The following FBXO11 variants were observed in gnomAD, a reference collection of about 807,000 sequenced individuals.
FBXO11 encodes the protein F-box protein 11, also known as F-box only protein 11.
In FBXO11, 13 loss-of-function variants were observed where a neutral mutation model predicts 117.0. The ratio of observed to expected loss-of-function variants is 0.11; its 90% confidence interval spans 0.07 to 0.18. FBXO11 has a LOEUF of 0.18. FBXO11 is among the 10% of genes least tolerant of loss of function. The pLI is 1.00. For missense variants in FBXO11, 767 were observed against 1,164.4 expected (o/e 0.66, Z 4.97); for synonymous variants, 490 against 380.5 (o/e 1.29, Z -3.35).
rs112758707 is a variant in FBXO11, at chr2:47,904,581, A to AACACAC, written c.232+902_232+907dup. On this transcript the variant is annotated intron_variant, in intron 1 of 22. Transcript: ENST00000403359. ...CAACACACACACGCGCGCGCGCGCA[A>AACACAC]ACACACACACACACACACACACACA... Among the ~76,000 whole-genome samples, 279 of 147,686 alleles carry AACACAC rather than the reference A, an allele frequency of 1.9e-3. 2 individuals are homozygous for AACACAC. Among genetic ancestry groups the AACACAC allele is most frequent in the Middle Eastern group, 0.014 (4 of 286 alleles).
chr2:47,825,959 G>C (rs535237185), intron 11 of FBXO11, among the ~76,000 whole-genome samples: 1 of 152,190 alleles, frequency 6.6e-6, no homozygotes, highest in African/African-American at 2.4e-5. Context: ...AAAAAAAATT[G>C]ATATACACTG....
At chr2:47,825,718 G>C (rs1244862886) in intron 11 of FBXO11, among the ~76,000 whole-genome samples, 1 of 151,774 alleles carries the variant, frequency 6.6e-6, no homozygotes, top group Non-Finnish European at 1.5e-5. Flanking sequence ...CTGAGACCAC[G>C]GGTGCATGGC....
chr2:47,818,900 G>T, intron 15 of FBXO11, 36 bp from the exon 16 acceptor site: 2 of 1,578,158 alleles, frequency 1.3e-6, no homozygotes, highest in Non-Finnish European at 1.7e-6. Flanking sequence ...CTTTTTCAAG[G>T]GACAAGTATT....
At chr2:47,818,663 A>C in intron 16 of FBXO11, 116 bp downstream of exon 16, 1 of 678,574 alleles carries the variant, frequency 1.5e-6, no homozygotes, top group Non-Finnish European at 2.5e-6. Flanking sequence ...AAGAATGTGA[A>C]TATATATACA....
chr2:47,837,551 T>C (rs1672678520), intron 4 of FBXO11, among the ~76,000 whole-genome samples: 2 of 152,096 alleles, frequency 1.3e-5, no homozygotes, highest in African/African-American at 4.8e-5. Context: ...AACATATATA[T>C]ATATGGTGCA....
chr2:47,807,179 A>AAATT lies in FBXO11; in HGVS notation c.*935_*938dup, dbSNP rs1380345132. The AAATT allele has an allele frequency of 3.6e-6, 1 of 277,472 alleles. No individual in the cohort carries two copies. The highest frequency in any genetic ancestry group is 2.2e-5 in the African/African-American group (1 of 45,964). 17.2% of individuals were successfully genotyped at this position (277,472 alleles called of 1,614,324 possible). On this transcript the variant is annotated 3_prime_UTR_variant, in exon 23 of 23. Transcript: ENST00000403359. ...TATACTTGTCTCAGCTTAATGCAGG[A>AAATT]AATTGGTTTAATTTCCAGCAGTTTT...
intron 11 of FBXO11, among the ~76,000 whole-genome samples, chr2:47,827,375 C>G (rs188001861): frequency 6.7e-6 from 1 of 148,960 alleles, no homozygotes; most frequent in East Asian, 2.1e-4. Flanking sequence ...GGCGCACTTT[C>G]GGCTCACTGC....
At position 47,813,774 on chromosome 2, in the gene FBXO11, T is replaced by G. The variant is rs1430804081; in HGVS notation, c.2083+17A>C. 2 of 1,521,290 alleles carry G rather than the reference T, an allele frequency of 1.3e-6. No individual in the cohort carries two copies. The highest frequency in any genetic ancestry group is 1.8e-6 in the Non-Finnish European group (2 of 1,097,348). The allele number at this position is 1,521,290 out of a possible 1,614,324, so 94.2% of individuals were successfully genotyped here. A position where few individuals can be genotyped will look rare whatever the true frequency, so the allele number is the denominator to read the frequency against. On this transcript the variant is annotated intron_variant, in intron 17 of 22. Coordinates refer to ENST00000403359, the MANE Select transcript of FBXO11 (RefSeq NM_001190274.2). ...AAAGTTTATTAACACAGAAAAAAGA[T>G]GACAGATTAAACATACCAGAATTAT...
chr2:47,823,493 G>A, intron 11 of FBXO11, 133 bp from the exon 12 acceptor site: 8 of 716,416 alleles, frequency 1.1e-5, no homozygotes, highest in East Asian at 2.8e-5. Context: ...GGTGACTCAC[G>A]CCTGTTAATC....
chr2:47,905,503 T>C lies in FBXO11; in HGVS notation c.218A>G (p.Asn73Ser). 1 of 1,231,740 alleles carries C rather than the reference T, an allele frequency of 8.1e-7. No homozygotes were observed. The highest frequency in any genetic ancestry group is 1.0e-6 in the Non-Finnish European group (1 of 988,742). The allele number at this position is 1,231,740 out of a possible 1,614,324, so 76.3% of individuals were successfully genotyped here. ...PPPPLPQERN[N>S]VGERDDDVPA... ...CGCGGCCTTACCCCGCTCGCCGACG[T>C]TGTTCCGCTCCTGAGGCAGCGGCGG... The change falls in exon 1 of 23, where the codon AAC (asparagine) becomes AGC (serine). Residue 73 changes from asparagine (N) to serine (S), a missense_variant. Physicochemically the swap from Asn to Ser is conservative, Grantham distance 46. Around this residue, in one of 10 missense-constraint regions of FBXO11, gnomAD observed 355 missense variants for 299.8 expected, o/e 1.18. Coordinates refer to ENST00000403359, the MANE Select transcript of FBXO11 (RefSeq NM_001190274.2).
At chr2:47,810,048 G>C in intron 19 of FBXO11, 2 of 494,590 alleles carry the variant, frequency 4.0e-6, no homozygotes, top group Non-Finnish European at 7.1e-6. Flanking sequence ...TGTATTCCTA[G>C]TGGTAATACA....
At chr2:47,844,469 C>T (rs1673253849) in intron 1 of FBXO11, among the ~76,000 whole-genome samples, 1 of 152,100 alleles carries the variant, frequency 6.6e-6, no homozygotes, top group Non-Finnish European at 1.5e-5. Flanking sequence ...AAAATTCAAC[C>T]CCAGACCCCT....
intron 1 of FBXO11, among the ~76,000 whole-genome samples, chr2:47,850,977 ACAAG>A (rs906950447): frequency 6.6e-6 from 1 of 152,250 alleles, no homozygotes; most frequent in Admixed American, 6.5e-5. Flanking sequence ...TTCTATTTTA[ACAAG>A]CAAGAAAAAA....
chr2:47,875,288 CAT>C (rs896615450), intron 1 of FBXO11, among the ~76,000 whole-genome samples: 14 of 152,152 alleles, frequency 9.2e-5, no homozygotes, highest in Non-Finnish European at 1.5e-4. Context: ...TACATAGTCA[CAT>C]GTGGCAAGTG....
chr2:47,817,391 ATTATT>A (rs767880610), intron 16 of FBXO11, among the ~76,000 whole-genome samples: 10 of 152,044 alleles, frequency 6.6e-5, no homozygotes, highest in Non-Finnish European at 1.2e-4. Flanking sequence ...TTTTTTTGTT[ATTATT>A]TTATTTTGCT....
intron 1 of FBXO11, among the ~76,000 whole-genome samples, chr2:47,843,952 G>A (rs574270562): frequency 1.3e-5 from 2 of 152,226 alleles, no homozygotes; most frequent in South Asian, 4.1e-4. Context: ...TGTTGGCCAG[G>A]ATGGTCTCGA....
chr2:47,872,672 T>TTTA (rs1367548764), intron 1 of FBXO11, among the ~76,000 whole-genome samples: 2 of 152,166 alleles, frequency 1.3e-5, no homozygotes, highest in African/African-American at 4.8e-5. Flanking sequence ...TTTTGCACAC[T>TTTA]TTATTACAAG....
chr2:47,900,371 T>C (rs999429026), intron 1 of FBXO11, among the ~76,000 whole-genome samples: 3 of 152,034 alleles, frequency 2.0e-5, no homozygotes, highest in Admixed American at 2.0e-4. Context: ...ATGTTTCTTG[T>C]GCAGAACTCC....
intron 1 of FBXO11, among the ~76,000 whole-genome samples, chr2:47,845,345 T>G (rs1673323726): frequency 6.6e-6 from 1 of 152,210 alleles, no homozygotes; most frequent in Non-Finnish European, 1.5e-5. Flanking sequence ...ACTTCCCACT[T>G]GTAAACACTG....
Sources: allele counts gnomAD v4.1 joint callset (sites outside exome capture counted in the v4.1 genomes callset), GRCh38; gene constraint gnomAD v4.1.1; regional missense constraint gnomAD v4.1.1; transcripts MANE v1.5; gene names NCBI Gene and HGNC (gene_info 2026-07-23, HGNC 2026-07-21).